ADAM22: variants seen among roughly 807,000 people sequenced by gnomAD.
ADAM22 encodes disintegrin and metalloproteinase domain-containing protein 22.
In ADAM22, 65 loss-of-function variants were observed where a neutral mutation model predicts 144.6. The ratio of observed to expected loss-of-function variants is 0.45; its 90% CI spans 0.37 to 0.55. The LOEUF is 0.55. ADAM22 is among the 20% of genes least tolerant of loss of function. The probability of loss-of-function intolerance (pLI) is 0.00; values close to 1 mark genes in which losing one functional copy is unlikely to be tolerated. For missense variants in ADAM22, 974 were observed against 1,184.9 expected (o/e 0.82, Z 2.61); for synonymous variants, 391 against 412.6 (o/e 0.95, Z 0.63).
chr7:87,965,402 T>C (rs1377056352), intron 2 of ADAM22, among the ~76,000 whole-genome samples: 1 of 152,234 alleles, frequency 6.6e-6, no homozygotes, highest in Non-Finnish European at 1.5e-5. Flanking sequence ...TATGGTCCTA[T>C]GTTTAAAGTT....
chr7:88,018,963 T>A (rs1252873278), intron 3 of ADAM22, among the ~76,000 whole-genome samples: 2 of 152,188 alleles, frequency 1.3e-5, no homozygotes, highest in African/African-American at 4.8e-5. Context: ...CTCTATAGCT[T>A]TTTTGTATAA....
rs116467220 is a variant in ADAM22, at chr7:88,202,006, G to C, written c.*5515G>C. 1 of 151,978 alleles carries C rather than the reference G, an allele frequency of 6.6e-6. No homozygotes were observed. Among genetic ancestry groups the C allele is most frequent in the Non-Finnish European group, 1.5e-5 (1 of 67,994 alleles). The allele number at this position is 151,978 out of a possible 1,614,324, so 9.4% of individuals were successfully genotyped here. A position where few individuals can be genotyped will look rare whatever the true frequency, so the allele number is the denominator to read the frequency against. Reference sequence around the variant, plus strand: ...AATAGCCCCAATCTTTAAATATAGCGGTGCTAAGTTGAACAAGTAACACAA... The same window carrying C: ...AATAGCCCCAATCTTTAAATATAGCCGTGCTAAGTTGAACAAGTAACACAA... On this transcript the variant is annotated 3_prime_UTR_variant, in exon 32 of 32. Transcript: ENST00000413139.
intron 3 of ADAM22, among the ~76,000 whole-genome samples, chr7:88,055,490 T>G (rs1236054416): frequency 2.0e-5 from 3 of 152,164 alleles, no homozygotes; most frequent in African/African-American, 4.8e-5. Flanking sequence ...TTTTACAGTC[T>G]AGACATTGAT....
rs1254278726 is a variant in ADAM22, at chr7:88,200,186, T to C, written c.*3695T>C. On this transcript the variant is annotated 3_prime_UTR_variant, in exon 32 of 32. Transcript: ENST00000413139. The stretch of plus-strand genomic sequence containing the variant: ...TTTCAGTGTTTTAAAATAAGGTTTG[T>C]TCATTTATTCATTTTATCCATTCAT... 6.6e-6 allele frequency: 1 copy of C among 152,234 alleles called. No individual in the cohort carries two copies. The highest frequency in any genetic ancestry group is 1.5e-5 in the Non-Finnish European group (1 of 68,046). The allele number at this position is 152,234 out of a possible 1,614,324, so 9.4% of individuals were successfully genotyped here.
At chr7:88,025,013 C>A (rs7790940) in intron 3 of ADAM22, among the ~76,000 whole-genome samples, 4,508 of 152,112 alleles carry the variant, frequency 0.03, 210 homozygotes, top group African/African-American at 0.1. Flanking sequence ...AATAAACATA[C>A]GTGTGCATGT....
At chr7:88,093,110 T>C (rs1820371741) in intron 4 of ADAM22, among the ~76,000 whole-genome samples, 1 of 152,208 alleles carries the variant, frequency 6.6e-6, no homozygotes. Flanking sequence ...ATTAGCTATT[T>C]TATAATAGAA....
At chr7:88,155,172 GA>G (rs1285429966) in intron 21 of ADAM22, among the ~76,000 whole-genome samples, 1 of 151,674 alleles carries the variant, frequency 6.6e-6, no homozygotes, top group Admixed American at 6.6e-5. Context: ...GCAACAGGTT[GA>G]AAAAAACATC....
At chr7:88,153,350 A>T in intron 21 of ADAM22, 24 bp downstream of exon 21, 1 of 1,576,656 alleles carries the variant, frequency 6.3e-7, no homozygotes, top group Non-Finnish European at 8.7e-7. Context: ...GTCAGCCCAG[A>T]ATTCATCCCT....
chr7:88,069,586 T>G (rs150780314), intron 3 of ADAM22, among the ~76,000 whole-genome samples: 2 of 152,318 alleles, frequency 1.3e-5, no homozygotes, highest in East Asian at 3.9e-4. Flanking sequence ...TTATTTGTAT[T>G]TATCACATAT....
chr7:88,023,697 C>T (rs1798333114), intron 3 of ADAM22, among the ~76,000 whole-genome samples: 1 of 152,128 alleles, frequency 6.6e-6, no homozygotes, highest in African/African-American at 2.4e-5. Context: ...TGAGCCACTG[C>T]CCCCGGCTTA....
intron 3 of ADAM22, among the ~76,000 whole-genome samples, chr7:88,025,933 T>C (rs1798929853): frequency 6.6e-6 from 1 of 152,244 alleles, no homozygotes; most frequent in Non-Finnish European, 1.5e-5. Flanking sequence ...AAGGATTGCA[T>C]TGAATCTGTA....
intron 4 of ADAM22, among the ~76,000 whole-genome samples, chr7:88,099,044 A>G (rs964966004): frequency 6.6e-6 from 1 of 152,198 alleles, no homozygotes; most frequent in East Asian, 1.9e-4. Flanking sequence ...TATGAGAGTT[A>G]AGTTACCTGT....
chr7:88,066,021 GAA>G (rs1312646488), intron 3 of ADAM22, among the ~76,000 whole-genome samples: 1 of 152,066 alleles, frequency 6.6e-6, no homozygotes, highest in Non-Finnish European at 1.5e-5. Context: ...AAGAATATTA[GAA>G]GTTTAAGACT....
chr7:88,098,125 C>T (rs577988621), intron 4 of ADAM22, among the ~76,000 whole-genome samples: 1 of 152,226 alleles, frequency 6.6e-6, no homozygotes, highest in South Asian at 2.1e-4. Context: ...ATTAATTTCT[C>T]TCGACTATTC....
intron 4 of ADAM22, among the ~76,000 whole-genome samples, chr7:88,104,960 A>C (rs1267893494): frequency 6.6e-6 from 1 of 152,152 alleles, no homozygotes; most frequent in Non-Finnish European, 1.5e-5. Flanking sequence ...ATTTTTTTCA[A>C]ATCAGAGATT....
chr7:88,168,138 T>C lies in ADAM22; in HGVS notation c.2193T>C (p.Gly731=). The C allele has an allele frequency of 6.2e-7, 1 of 1,612,772 alleles. No individual in the cohort carries two copies. Among genetic ancestry groups the C allele is most frequent in the South Asian group, 1.1e-5 (1 of 90,942 alleles). ...CTTCTTTCTTTTTTTTCCTCTCAGGTGTTGCTGGCACCAATATCATAATAG... is the reference window on the plus strand; with the variant it reads ...CTTCTTTCTTTTTTTTCCTCTCAGGCGTTGCTGGCACCAATATCATAATAG... ...AKTGITLSGN[G]VAGTNIIIGI... Residue 731 remains glycine (G), a splice_region_variant and synonymous_variant, in exon 25 of 32, where the codon GGT becomes GGC. Coordinates refer to ENST00000413139, the MANE Select transcript of ADAM22 (RefSeq NM_001324418.2).
chr7:88,110,588 A>G (rs896788457), intron 5 of ADAM22, among the ~76,000 whole-genome samples: 1 of 150,806 alleles, frequency 6.6e-6, no homozygotes, highest in African/African-American at 2.5e-5. Flanking sequence ...TAGGCCGGGC[A>G]CGGTGGCTCA....
chr7:88,032,383 G>A (rs1800500039), intron 3 of ADAM22, among the ~76,000 whole-genome samples: 1 of 152,182 alleles, frequency 6.6e-6, no homozygotes, highest in African/African-American at 2.4e-5. Flanking sequence ...GACTTGCGTG[G>A]GGCTTGTAGC....
At chr7:88,161,591 GC>G (rs1394938168) in intron 22 of ADAM22, among the ~76,000 whole-genome samples, 1 of 152,046 alleles carries the variant, frequency 6.6e-6, no homozygotes, top group Non-Finnish European at 1.5e-5. Context: ...CTAATATCCA[GC>G]ATCTATGAGG....
Sources: allele counts gnomAD v4.1 joint callset (sites outside exome capture counted in the v4.1 genomes callset), GRCh38; gene constraint gnomAD v4.1.1; transcripts MANE v1.5; gene names NCBI Gene and HGNC (gene_info 2026-07-23, HGNC 2026-07-21).